Variants in GOLGA1 observed in about 807,000 individuals in gnomAD.
GOLGA1 encodes golgin subfamily A member 1.
Under a neutral mutation model 119.7 loss-of-function variants are expected in GOLGA1, and 63 were observed. That is an observed-to-expected ratio of 0.53 (90% CI 0.43 to 0.65). The LOEUF (loss-of-function observed/expected upper bound fraction) is 0.65. Among genes scored for constraint, GOLGA1 ranks in the 30% least tolerant of loss-of-function variants. The pLI, the probability that GOLGA1 is intolerant of heterozygous loss-of-function variation, is 0.00. For synonymous variants in GOLGA1, 318 were observed against 333.4 expected, an observed-to-expected ratio of 0.95 and a Z score of 0.50; for missense variants, 798 against 912.8, an observed-to-expected ratio of 0.87 and a Z score of 1.62.
At chr9:124,922,239 A>G (rs1321392472) in intron 8 of GOLGA1, among the ~76,000 whole-genome samples, 2 of 149,024 alleles carry the variant, frequency 1.3e-5, no homozygotes, top group African/African-American at 2.5e-5. Flanking sequence ...AAAAAAAAAA[A>G]GAAGTAAAAA....
Position 124,880,416 on chromosome 9 carries a change from C to T in GOLGA1, c.*114G>A. 1.5e-6 allele frequency: 1 copy of T among 689,070 alleles called. No homozygotes were observed. Among genetic ancestry groups the T allele is most frequent in the South Asian group, 1.5e-5 (1 of 67,920 alleles). 42.7% of individuals were successfully genotyped at this position (689,070 alleles called of 1,614,324 possible). A position where few individuals can be genotyped will look rare whatever the true frequency, so the allele number is the denominator to read the frequency against. ...TAGTCTTGTAAACAATGTTTAGACA[C>T]TTGTACAAAATACTGCAGTTACAGT... is the stretch of plus-strand genomic sequence containing the variant. On this transcript the variant is annotated 3_prime_UTR_variant, in exon 23 of 23. Coordinates refer to ENST00000373555, the MANE Select transcript of GOLGA1 (RefSeq NM_002077.4).
At chr9:124,944,474 T>C (rs927137266), upstream of GOLGA1, 12 of 147,312 alleles carry the variant, frequency 8.1e-5, no homozygotes, top group Admixed American at 8.3e-4. Flanking sequence ...TAATTTTTTT[T>C]TTTTTTTTTT....
intron 2 of GOLGA1, among the ~76,000 whole-genome samples, chr9:124,939,679 C>T (rs1215266302): frequency 6.6e-6 from 1 of 150,672 alleles, no homozygotes; most frequent in Non-Finnish European, 1.5e-5. Flanking sequence ...TCTCCTGCCT[C>T]AGCCTCCCGA....
At chr9:124,925,787 T>A (rs1295236592) in intron 7 of GOLGA1, among the ~76,000 whole-genome samples, 3 of 152,196 alleles carry the variant, frequency 2.0e-5, no homozygotes, top group Non-Finnish European at 4.4e-5. Context: ...TAACTTGGTG[T>A]TTTATGGAAA....
intron 10 of GOLGA1, among the ~76,000 whole-genome samples, chr9:124,917,296 CTTA>C (rs1014609161): frequency 6.6e-6 from 1 of 152,026 alleles, no homozygotes; most frequent in Non-Finnish European, 1.5e-5. Flanking sequence ...GGCTCATTGC[CTTA>C]TTATACTTTC....
At chr9:124,897,060 G>A (rs990878253) in intron 15 of GOLGA1, among the ~76,000 whole-genome samples, 1 of 152,170 alleles carries the variant, frequency 6.6e-6, no homozygotes, top group Non-Finnish European at 1.5e-5. Flanking sequence ...TCTTTGAACA[G>A]ACTAGGTTTT....
At chr9:124,914,071 A>G (rs955032517) in intron 10 of GOLGA1, among the ~76,000 whole-genome samples, 3 of 151,764 alleles carry the variant, frequency 2.0e-5, no homozygotes, top group Non-Finnish European at 2.9e-5. Context: ...GTGTGATAGG[A>G]AAAAAAAAGC....
intron 14 of GOLGA1, 117 bp downstream of exon 14, chr9:124,899,212 G>T: frequency 1.1e-6 from 1 of 880,890 alleles, no homozygotes; most frequent in African/African-American, 1.7e-5. Flanking sequence ...AAAAAAAGCT[G>T]CCTTCTAAAG....
At chr9:124,933,931 T>C (rs1458897940) in intron 3 of GOLGA1, among the ~76,000 whole-genome samples, 2 of 152,206 alleles carry the variant, frequency 1.3e-5, no homozygotes, top group Admixed American at 6.5e-5. Flanking sequence ...CTTTTCCCCA[T>C]GCACCTTTTC....
At chr9:124,921,034 T>C (rs1308708224) in intron 10 of GOLGA1, 95 bp downstream of exon 10, 3 of 775,530 alleles carry the variant, frequency 3.9e-6, no homozygotes, top group East Asian at 2.4e-5. Context: ...GCATGAGAAA[T>C]GTATGTTCAG....
chr9:124,940,142 C>CA lies in GOLGA1; in HGVS notation c.-193dup, dbSNP rs1830974806. 6.6e-6 allele frequency: 1 copy of CA among 151,872 alleles called. No individual in the cohort carries two copies. The highest frequency in any genetic ancestry group is 6.6e-5 in the Admixed American group (1 of 15,242). 9.4% of individuals were successfully genotyped at this position (151,872 alleles called of 1,614,324 possible). A position where few individuals can be genotyped will look rare whatever the true frequency, so the allele number is the denominator to read the frequency against. On this transcript the variant is annotated 5_prime_UTR_variant, in exon 2 of 23. The change abolishes the stop of an existing upstream ORF in the 5' untranslated region. Transcript: ENST00000373555. Reference sequence around the variant, plus strand: ...ACTAGATTTAAAACAGCTTGGAGGTCAAAGCATTCTGTCCTGCATGAAGAC... The same window carrying CA: ...ACTAGATTTAAAACAGCTTGGAGGTCAAAAGCATTCTGTCCTGCATGAAGAC...
At chr9:124,900,870 T>C (rs1036203604) in intron 12 of GOLGA1, among the ~76,000 whole-genome samples, 2 of 152,152 alleles carry the variant, frequency 1.3e-5, no homozygotes, top group Non-Finnish European at 2.9e-5. Context: ...TCCTCTAGAG[T>C]GTTTTGTAAT....
In GOLGA1 at chr9:124,898,655, A is replaced by G. The variant is rs747495816; in HGVS notation, c.1312-11T>C. The G allele has an allele frequency of 1.3e-6, 2 of 1,515,730 alleles. No individual in the cohort carries two copies. Among genetic ancestry groups the G allele is most frequent in the African/African-American group, 2.7e-5 (2 of 72,990 alleles). The allele number at this position is 1,515,730 out of a possible 1,614,324, so 93.9% of individuals were successfully genotyped here. ...TTGCTCCAGTTGTCTCTGCCAATTC[A>G]GAAGAACACATATAAAAGAAGTCTT... On this transcript the variant is annotated splice_polypyrimidine_tract_variant and intron_variant, in intron 14 of 22. Coordinates refer to ENST00000373555, the MANE Select transcript of GOLGA1 (RefSeq NM_002077.4).
At chr9:124,917,859 A>T (rs78734673) in intron 10 of GOLGA1, among the ~76,000 whole-genome samples, 5,274 of 149,746 alleles carry the variant, frequency 0.035, 248 homozygotes, top group East Asian at 0.23. Flanking sequence ...ATATATATAT[A>T]TTTTTTTTTT....
chr9:124,921,284 A>C (rs1406024606), intron 9 of GOLGA1, 44 bp from the exon 10 acceptor site: 11 of 1,081,158 alleles, frequency 1.0e-5, no homozygotes, highest in Non-Finnish European at 1.3e-5. Flanking sequence ...TGGATATCTC[A>C]TCTAATATAC....
Position 124,938,811 on chromosome 9 carries a change from C to T in GOLGA1, c.-100G>A. 3 of 960,120 alleles carry T rather than the reference C, an allele frequency of 3.1e-6. No individual in the cohort carries two copies. Among genetic ancestry groups the T allele is most frequent in the South Asian group, 3.7e-5 (2 of 53,384 alleles). The allele number at this position is 960,120 out of a possible 1,614,324, so 59.5% of individuals were successfully genotyped here. A position where few individuals can be genotyped will look rare whatever the true frequency, so the allele number is the denominator to read the frequency against. ...AGGCGCCTACAAAGTTTCAGACATCCAAGCTAGCTGCATTCCCACTTAAAT... is the reference window on the plus strand; with the variant it reads ...AGGCGCCTACAAAGTTTCAGACATCTAAGCTAGCTGCATTCCCACTTAAAT... On this transcript the variant is annotated 5_prime_UTR_variant, in exon 3 of 23. The change creates a premature stop within an existing upstream ORF in the 5' untranslated region. Transcript: ENST00000373555.
chr9:124,908,390 G>T lies in GOLGA1; in HGVS notation c.1052C>A (p.Thr351Asn). 6.3e-7 allele frequency: 1 copy of T among 1,590,852 alleles called. No individual in the cohort carries two copies. The highest frequency in any genetic ancestry group is 1.3e-5 in the African/African-American group (1 of 74,608). ...ARSSQAKAIN[T>N]LETRVRELEQ... ...TAAGGTCAGTACCCGAGTCTCCAGG[G>T]TGTTAATGGCCTTAGCCTGGCTGCT... Residue 351 changes from threonine to asparagine, a missense_variant, in exon 12 of 23, where the codon ACC becomes AAC. By Grantham distance (65) the Thr-to-Asn change is moderately conservative. Transcript: ENST00000373555.
At chr9:124,934,204 C>T (rs766006401) in intron 3 of GOLGA1, among the ~76,000 whole-genome samples, 1 of 152,140 alleles carries the variant, frequency 6.6e-6, no homozygotes, top group Non-Finnish European at 1.5e-5. Context: ...ATAACCTGAC[C>T]TGAGTTCCTA....
intron 19 of GOLGA1, among the ~76,000 whole-genome samples, chr9:124,884,959 A>G (rs1276063530): frequency 6.6e-6 from 1 of 152,166 alleles, no homozygotes; most frequent in Non-Finnish European, 1.5e-5. Context: ...GCACTTTGGG[A>G]GCCAAGGCAG....
Sources: gnomAD v4.1 joint callset for allele counts (sites outside exome capture counted in the v4.1 genomes callset) on GRCh38, gnomAD v4.1.1 for gene constraint, MANE v1.5 for transcripts, NCBI Gene and HGNC (gene_info 2026-07-23, HGNC 2026-07-21) for gene names.